GNL3L: variants seen among roughly 807,000 people sequenced by gnomAD.
The protein encoded by GNL3L is G protein nucleolar 3 like.
In GNL3L, 4 loss-of-function variants were observed where a neutral mutation model predicts 42.9. That is an observed-to-expected ratio of 0.09 (90% CI 0.05 to 0.21). GNL3L has a LOEUF of 0.21. Ranked by LOEUF, GNL3L falls within the 10% of genes least tolerant of loss-of-function variation. GNL3L has a pLI of 1.00. For missense variants in GNL3L, 412 were observed against 481.7 expected, an observed-to-expected ratio of 0.86 and a Z score of 1.36; for synonymous variants, 159 against 176.3, an observed-to-expected ratio of 0.90 and a Z score of 0.78.
intron 16 of GNL3L, among the ~76,000 whole-genome samples, chrX:54,580,859 C>CA (rs1345245458): frequency 2.7e-5 from 3 of 112,419 alleles, no homozygotes; most frequent in African/African-American, 9.7e-5. Context: ...CGGCTCACTG[C>CA]AACCTCTGCC....
chrX:54,579,029 A>T (rs777985613), intron 16 of GNL3L, among the ~76,000 whole-genome samples: 6 of 111,809 alleles, frequency 5.4e-5, no homozygotes, highest in Non-Finnish European at 9.4e-5. Flanking sequence ...GTAAACAAGG[A>T]TTTGTTTAAA....
At chrX:54,573,301 C>T (rs777016502) in intron 16 of GNL3L, among the ~76,000 whole-genome samples, 196 of 113,267 alleles carry the variant, frequency 1.7e-3, no homozygotes, top group African/African-American at 5.6e-3. Flanking sequence ...CCCGGCACCT[C>T]GGGAGGCCGA....
chrX:54,588,915 G>A (rs56164351), intron 16 of GNL3L, among the ~76,000 whole-genome samples: 39,619 of 111,074 alleles, frequency 0.36, 8,460 homozygotes, highest in African/African-American at 0.8. Flanking sequence ...ATATCCTTTT[G>A]AAATACTTCC....
At chrX:54,588,251 T>C (rs1925815335) in intron 16 of GNL3L, among the ~76,000 whole-genome samples, 1 of 112,138 alleles carries the variant, frequency 8.9e-6, no homozygotes, top group Non-Finnish European at 1.9e-5. Context: ...CAATGTTGAA[T>C]AGAAGTGGTA....
At chrX:54,556,513 C>T (rs762671192) in intron 14 of GNL3L, among the ~76,000 whole-genome samples, 40 of 110,864 alleles carry the variant, frequency 3.6e-4, no homozygotes, top group African/African-American at 1.2e-3. Flanking sequence ...CCCTATCAAG[C>T]CACGTCTTGA....
At chrX:54,541,532 AAGGG>A (rs965057051) in intron 5 of GNL3L, 143 bp downstream of exon 5, 27 of 405,857 alleles carry the variant, frequency 6.7e-5, no homozygotes, top group East Asian at 1.3e-4. Context: ...GGGACGGACG[AAGGG>A]AGGGAGGGAG....
chrX:54,541,442 GT>G, intron 5 of GNL3L, 53 bp downstream of exon 5: 1 of 653,212 alleles, frequency 1.5e-6, no homozygotes. Context: ...ATCTTTTGCC[GT>G]TTTTCTGTGA....
intron 16 of GNL3L, among the ~76,000 whole-genome samples, chrX:54,608,871 G>T (rs1332540151): frequency 8.9e-6 from 1 of 112,030 alleles, no homozygotes; most frequent in African/African-American, 3.2e-5. Context: ...TAGATACCCA[G>T]TAGTGGGATT....
chrX:54,531,778 C>T (rs1361870361), intron 1 of GNL3L, among the ~76,000 whole-genome samples: 2 of 111,341 alleles, frequency 1.8e-5, no homozygotes, highest in Admixed American at 9.6e-5. Flanking sequence ...ATAAACAGAT[C>T]TGTGATTCTT....
chrX:54,565,047 C>G lies in GNL3L; in HGVS notation c.*4445C>G, dbSNP rs756334679. ...ACCGTGTCCGGCCATATATTTTCGT[C>G]TTTTGAAGACTGTTATATACATGAA... On this transcript the variant is annotated 3_prime_UTR_variant, in exon 16 of 16. Coordinates refer to ENST00000360845, the MANE Select transcript of GNL3L (RefSeq NM_001184819.2). Among the ~76,000 whole-genome samples, 1 of 111,171 alleles carries G rather than the reference C, an allele frequency of 9.0e-6. No homozygotes were observed. Among genetic ancestry groups the G allele is most frequent in the South Asian group, 3.8e-4 (1 of 2,650 alleles).
At chrX:54,610,228 T>A (rs1926146151) in intron 16 of GNL3L, among the ~76,000 whole-genome samples, 2 of 111,968 alleles carry the variant, frequency 1.8e-5, no homozygotes, top group Non-Finnish European at 3.8e-5. Flanking sequence ...GAGTTTTTTT[T>A]ATCAGTTCTA....
intron 16 of GNL3L, among the ~76,000 whole-genome samples, chrX:54,583,855 C>G (rs1443319714): frequency 9.1e-6 from 1 of 110,413 alleles, no homozygotes; most frequent in Non-Finnish European, 1.9e-5. Context: ...GTTGCCCAGG[C>G]TGGTCTCCAA....
At chrX:54,569,745 T>C, downstream of GNL3L, among the ~76,000 whole-genome samples, 1 of 112,151 alleles carries the variant, frequency 8.9e-6, no homozygotes, top group East Asian at 2.8e-4. Context: ...TTTTCTGTTT[T>C]CTAATTCATT....
At chrX:54,567,514 C>T (rs767432042), downstream of GNL3L, among the ~76,000 whole-genome samples, 6 of 109,611 alleles carry the variant, frequency 5.5e-5, no homozygotes, top group East Asian at 1.1e-3. Flanking sequence ...GGTGTGGCAG[C>T]GCATGCCTGT....
chrX:54,642,285 CT>C, the GNL3L span, among the ~76,000 whole-genome samples: 1 of 111,421 alleles, frequency 9.0e-6, no homozygotes, highest in Non-Finnish European at 1.9e-5. Context: ...TTCTCTTAAT[CT>C]TTTTTTTAAA....
intron 16 of GNL3L, among the ~76,000 whole-genome samples, chrX:54,581,019 G>A (rs1184287541): frequency 9.0e-6 from 1 of 111,123 alleles, no homozygotes; most frequent in Non-Finnish European, 1.9e-5. Flanking sequence ...GACCTCAGGT[G>A]ATCTGCCTGC....
In GNL3L at chrX:54,601,590, C is replaced by A. The variant is rs1156470292; in HGVS notation, c.*46-19255C>A. 2.7e-5 allele frequency among the ~76,000 whole-genome samples: 3 copies of A among 111,500 alleles called. No individual in the cohort carries two copies. In the East Asian group the frequency reaches 8.4e-4, roughly 31 times the overall value. ...CAGAAGTCATTTGTTTTCAAAATTA[C>A]CTTTTAACTTTTAAAATTAGCTTAT... On this transcript the variant is annotated intron_variant, in intron 16 of 16. Coordinates refer to the GNL3L transcript ENST00000674498.
the GNL3L span, among the ~76,000 whole-genome samples, chrX:54,637,198 C>G: frequency 9.0e-6 from 1 of 111,516 alleles, no homozygotes. Context: ...TGCCAATGTA[C>G]TACTGCCTCC....
intron 14 of GNL3L, among the ~76,000 whole-genome samples, chrX:54,557,170 A>G (rs781336054): frequency 9.2e-6 from 1 of 108,912 alleles, no homozygotes; most frequent in African/African-American, 3.3e-5. Flanking sequence ...CAACAGAGCG[A>G]AACTCCATCT....
Sources: allele counts gnomAD v4.1 joint callset (sites outside exome capture counted in the v4.1 genomes callset), GRCh38; gene constraint gnomAD v4.1.1; transcripts MANE v1.5; gene names NCBI Gene and HGNC (gene_info 2026-07-23, HGNC 2026-07-21).